The following SPTBN1 variants were observed in gnomAD, a reference collection of about 807,000 sequenced individuals.
SPTBN1 encodes spectrin beta chain, non-erythrocytic 1.
In SPTBN1, 32 loss-of-function variants were observed where a neutral mutation model predicts 266.4. The ratio of observed to expected loss-of-function variants is 0.12; its 90% CI spans 0.09 to 0.16. SPTBN1 has a LOEUF of 0.16. Among genes scored for constraint, SPTBN1 ranks in the 10% least tolerant of loss-of-function variants. The pLI, the probability that SPTBN1 is intolerant of heterozygous loss-of-function variation, is 1.00. For missense variants in SPTBN1, 2,296 were observed against 3,067.1 expected, an observed-to-expected ratio of 0.75 and a Z score of 5.94; for synonymous variants, 1,336 against 1,162.2, an observed-to-expected ratio of 1.15 and a Z score of -3.04.
intron 2 of SPTBN1, among the ~76,000 whole-genome samples, chr2:54,596,201 T>G (rs1334924034): frequency 1.3e-5 from 2 of 152,130 alleles, no homozygotes; most frequent in African/African-American, 2.4e-5. Flanking sequence ...CTGCTCCTCC[T>G]CAGACTGTCT....
chr2:54,466,017 G>T (rs1250152724), intron 1 of SPTBN1, among the ~76,000 whole-genome samples: 1 of 152,162 alleles, frequency 6.6e-6, no homozygotes. Context: ...ATAAAAATAA[G>T]ATGTTATCAA....
At chr2:54,634,156 C>T (rs1165908833) in intron 17 of SPTBN1, among the ~76,000 whole-genome samples, 8 of 152,156 alleles carry the variant, frequency 5.3e-5, no homozygotes, top group Non-Finnish European at 2.9e-5. Flanking sequence ...AGCTGGTTTC[C>T]TGCAGGCGGG....
intron 1 of SPTBN1, among the ~76,000 whole-genome samples, chr2:54,494,160 T>G (rs1668839456): frequency 6.8e-6 from 1 of 147,780 alleles, no homozygotes; most frequent in South Asian, 2.1e-4. Flanking sequence ...AGACATGACT[T>G]ACTTGAGAAA....
rs951883224 is a variant in SPTBN1 at position 54,643,094 on chromosome 2, G to A, written c.3970G>A (p.Ala1324Thr). 1.2e-6 allele frequency: 2 copies of A among 1,614,180 alleles called. No individual in the cohort carries two copies. The highest frequency in any genetic ancestry group is 1.7e-5 in the Admixed American group (1 of 60,024). ...GCATCAAGCATTTATGGCAGAACTT[G>A]CATCCAACAAAGAATGGCTTGACAA... ...LKHQAFMAEL[A>T]SNKEWLDKIE... The change falls in exon 19 of 36, where the codon GCA (alanine) becomes ACA (threonine). Residue 1324 changes from alanine (A) to threonine (T), a missense_variant. Physicochemically the swap from Ala to Thr is moderately conservative, Grantham distance 58. Around this residue, in one of 12 missense-constraint regions of SPTBN1, gnomAD observed 386 missense variants for 486.1 expected, o/e 0.79. Coordinates refer to ENST00000356805, the MANE Select transcript of SPTBN1 (RefSeq NM_003128.3).
intron 4 of SPTBN1, among the ~76,000 whole-genome samples, chr2:54,614,711 G>A (rs929476905): frequency 6.6e-6 from 1 of 151,876 alleles, no homozygotes; most frequent in African/African-American, 2.4e-5. Flanking sequence ...GCTGAGGCAG[G>A]AGAATCGCTT....
At chr2:54,508,513 A>C (rs1669696059) in intron 1 of SPTBN1, among the ~76,000 whole-genome samples, 1 of 151,142 alleles carries the variant, frequency 6.6e-6, no homozygotes. Flanking sequence ...AGAGGTTCTA[A>C]GAGGTGGGCT....
rs1673048267 is a variant in SPTBN1 at position 54,558,640 on chromosome 2, C to A, written c.148+32074C>A. The A allele has an allele frequency of 2.9e-5, 43 of 1,481,474 alleles. No homozygotes were observed. The highest frequency in any genetic ancestry group is 3.7e-5 in the Non-Finnish European group (41 of 1,115,304). 91.8% of individuals were successfully genotyped at this position (1,481,474 alleles called of 1,614,324 possible). A position where few individuals can be genotyped will look rare whatever the true frequency, so the allele number is the denominator to read the frequency against. On this transcript the variant is annotated intron_variant, in intron 2 of 35. Transcript: ENST00000356805. The surrounding 1 kb of genome is among the most constrained non-coding windows in gnomAD (Gnocchi z 4.6). Reference sequence around the variant, plus strand: ...TGCAGCCAACTTCCCATCAGATCACCCTGCTGGACTTGCAGACCGGAATGG... The same window carrying A: ...TGCAGCCAACTTCCCATCAGATCACACTGCTGGACTTGCAGACCGGAATGG...
intron 1 of SPTBN1, among the ~76,000 whole-genome samples, chr2:54,485,261 C>T (rs1043623929): frequency 4.6e-5 from 7 of 151,998 alleles, no homozygotes; most frequent in Admixed American, 1.3e-4. Context: ...GACTGTACTG[C>T]TCCCATCTCG....
intron 2 of SPTBN1, among the ~76,000 whole-genome samples, chr2:54,565,124 C>T (rs143482071): frequency 1.3e-5 from 2 of 152,264 alleles, no homozygotes; most frequent in East Asian, 3.9e-4. Context: ...GTGGGTCCTA[C>T]CAATAAGTGT....
intron 1 of SPTBN1, among the ~76,000 whole-genome samples, chr2:54,514,184 C>G (rs1188272957): frequency 6.6e-6 from 1 of 152,150 alleles, no homozygotes; most frequent in Non-Finnish European, 1.5e-5. Context: ...ATGTTTCTGT[C>G]TCATACCGTT....
At chr2:54,486,905 G>C (rs974320255) in intron 1 of SPTBN1, among the ~76,000 whole-genome samples, 1 of 152,088 alleles carries the variant, frequency 6.6e-6, no homozygotes, top group Non-Finnish European at 1.5e-5. Context: ...TGAAAAAACT[G>C]CTTTTGCTTT....
At chr2:54,466,698 T>G (rs1693653815) in intron 1 of SPTBN1, among the ~76,000 whole-genome samples, 2 of 152,116 alleles carry the variant, frequency 1.3e-5, no homozygotes, top group Admixed American at 1.3e-4. Context: ...GTATATTTTT[T>G]TCTCCATATT....
chr2:54,651,661 T>G (rs979035488), intron 26 of SPTBN1, among the ~76,000 whole-genome samples: 3 of 152,236 alleles, frequency 2.0e-5, no homozygotes, highest in Admixed American at 1.3e-4. Context: ...TGTCCTCTTG[T>G]ACCTTACATT....
chr2:54,484,565 A>G (rs1429952018), intron 1 of SPTBN1, among the ~76,000 whole-genome samples: 1 of 152,248 alleles, frequency 6.6e-6, no homozygotes, highest in Non-Finnish European at 1.5e-5. Flanking sequence ...AAGAGGAATA[A>G]TAGGAAAGCC....
At position 54,628,847 on chromosome 2, in the gene SPTBN1, T is replaced by G. The variant is rs1164932684; in HGVS notation, c.1799-86T>G. ...CAGTGAGCTGGTAATCATAAGAATA[T>G]GGGGTGTAGCTTACTGCCTGCCAGT... On this transcript the variant is annotated intron_variant, in intron 13 of 35. Transcript: ENST00000356805. This position sits in a 1 kb window ranked among gnomAD's most constrained non-coding sequence, Gnocchi z 4.3. 2 of 1,480,568 alleles carry G rather than the reference T, an allele frequency of 1.4e-6. No homozygotes were observed. Among genetic ancestry groups the G allele is most frequent in the Non-Finnish European group, 1.8e-6 (2 of 1,107,390 alleles). 91.7% of individuals were successfully genotyped at this position (1,480,568 alleles called of 1,614,324 possible).
At chr2:54,524,484 A>AAAGCACATCCACCTCT (rs1670678108) in intron 1 of SPTBN1, among the ~76,000 whole-genome samples, 2 of 151,962 alleles carry the variant, frequency 1.3e-5, no homozygotes, top group Admixed American at 1.3e-4. Context: ...TTCTCCCTCC[A>AAAGCACATCCACCTCT]AAGCACATCC....
chr2:54,579,959 C>T (rs1674769502), intron 2 of SPTBN1, among the ~76,000 whole-genome samples: 1 of 152,232 alleles, frequency 6.6e-6, no homozygotes, highest in Non-Finnish European at 1.5e-5. Flanking sequence ...GTAAAAGCTG[C>T]TGGTGAGAAC....
At position 54,558,822 on chromosome 2, in the gene SPTBN1, C is replaced by T; in HGVS notation, c.148+32256C>T. ...TCTAGTATCTCCGGGCCGCTGTCGC[C>T]GGCGTACACGGGGCAGGTGCCTTAC... On this transcript the variant is annotated intron_variant, in intron 2 of 35. Transcript: ENST00000356805. The surrounding 1 kb of genome is among the most constrained non-coding windows in gnomAD (Gnocchi z 4.6). 1 of 1,613,804 alleles carries T rather than the reference C, an allele frequency of 6.2e-7. No homozygotes were observed. Among genetic ancestry groups the T allele is most frequent in the Non-Finnish European group, 8.5e-7 (1 of 1,179,800 alleles).
rs1678499454 is a variant in SPTBN1, at chr2:54,628,462, C to T, written c.1798+212C>T. On this transcript the variant is annotated intron_variant, in intron 13 of 35. Coordinates refer to ENST00000356805, the MANE Select transcript of SPTBN1 (RefSeq NM_003128.3). This position sits in a 1 kb window ranked among gnomAD's most constrained non-coding sequence, Gnocchi z 4.3. ...CCTTTCCTTAAATACGCAAATGCTG[C>T]CTTTGCTTTGAGTGGCTTGGTGTTT... Among the ~76,000 whole-genome samples the T allele has an allele frequency of 6.6e-6, 1 of 152,140 alleles. No homozygotes were observed. Among genetic ancestry groups the T allele is most frequent in the African/African-American group, 2.4e-5 (1 of 41,426 alleles).
Sources: gnomAD v4.1 joint callset for allele counts (sites outside exome capture counted in the v4.1 genomes callset) on GRCh38, gnomAD v4.1.1 for gene constraint, gnomAD v4.1.1 regional missense constraint, Gnocchi (gnomAD v3.1) non-coding constraint, MANE v1.5 for transcripts, NCBI Gene and HGNC (gene_info 2026-07-23, HGNC 2026-07-21) for gene names.